PDZD2: variants seen among roughly 807,000 people sequenced by gnomAD.
PDZD2 encodes the protein PDZ domain containing 2, also known as PDZ domain-containing protein 2.
A neutral mutation model predicts 220.7 loss-of-function variants in PDZD2; 90 were observed. The ratio of observed to expected loss-of-function variants is 0.41; its 90% CI spans 0.34 to 0.49. The LOEUF is 0.49. Ranked by LOEUF, PDZD2 falls within the 20% of genes least tolerant of loss-of-function variation. The probability of loss-of-function intolerance (pLI) is 0.28; values close to 1 mark genes in which losing one functional copy is unlikely to be tolerated. For missense variants in PDZD2, 3,174 were observed against 3,608.5 expected (o/e 0.88, Z 3.08); for synonymous variants, 1,375 against 1,450.5 (o/e 0.95, Z 1.18).
intron 24 of PDZD2, among the ~76,000 whole-genome samples, chr5:32,102,700 C>T (rs1012153344): frequency 3.9e-5 from 6 of 152,084 alleles, no homozygotes; most frequent in African/African-American, 1.4e-4. Context: ...ACCCGAAAAA[C>T]AGGACACCCC....
intron 1 of PDZD2, among the ~76,000 whole-genome samples, chr5:31,678,846 A>G (rs1414852048): frequency 1.3e-5 from 2 of 152,126 alleles, no homozygotes; most frequent in African/African-American, 4.8e-5. Context: ...GCCTCAAGCA[A>G]TCTGCCCACC....
chr5:31,810,013 T>A (rs559104892), intron 2 of PDZD2, among the ~76,000 whole-genome samples: 1 of 152,158 alleles, frequency 6.6e-6, no homozygotes, highest in Non-Finnish European at 1.5e-5. Flanking sequence ...CTCTTAGCAC[T>A]ACTTTCGGGA....
At chr5:31,641,601 C>T (rs920487255) in intron 1 of PDZD2, among the ~76,000 whole-genome samples, 5 of 151,952 alleles carry the variant, frequency 3.3e-5, no homozygotes, top group Non-Finnish European at 4.4e-5. Context: ...GCAATCCTCC[C>T]ACCTCAGCCT....
chr5:31,651,581 A>T (rs1348755325), intron 1 of PDZD2, among the ~76,000 whole-genome samples: 2 of 152,110 alleles, frequency 1.3e-5, no homozygotes, highest in Non-Finnish European at 2.9e-5. Context: ...CCGTTGGTTA[A>T]AATCTGTGCT....
intron 6 of PDZD2, among the ~76,000 whole-genome samples, chr5:32,020,356 CTG>C (rs35592354): frequency 0.45 from 68,789 of 151,874 alleles, 17,751 homozygotes; most frequent in Non-Finnish European, 0.58. Context: ...AGAAATGAAA[CTG>C]AAATAAAAAT....
At chr5:32,080,812 C>T (rs1741869402) in intron 19 of PDZD2, among the ~76,000 whole-genome samples, 1 of 152,074 alleles carries the variant, frequency 6.6e-6, no homozygotes, top group East Asian at 1.9e-4. Flanking sequence ...AGCAAACTAA[C>T]ACAGAAACAG....
intron 23 of PDZD2, 149 bp from the exon 24 acceptor site, chr5:32,100,956 T>A (rs955600240): frequency 1.9e-6 from 3 of 1,602,910 alleles, no homozygotes; most frequent in Non-Finnish European, 2.5e-6. Flanking sequence ...GCTCAAGTGC[T>A]GTTATAAGTA....
chr5:31,823,091 C>T (rs1417528763), intron 2 of PDZD2: 3 of 829,466 alleles, frequency 3.6e-6, no homozygotes, highest in Non-Finnish European at 5.4e-6. Context: ...GTAATATTGA[C>T]ATTTTCTGGA....
At chr5:31,781,083 T>C (rs574930992) in intron 1 of PDZD2, among the ~76,000 whole-genome samples, 1 of 152,244 alleles carries the variant, frequency 6.6e-6, no homozygotes, top group African/African-American at 2.4e-5. Context: ...CTGAGGCCCC[T>C]GATGGGTGGA....
chr5:31,842,247 C>G (rs1757355196), intron 2 of PDZD2, among the ~76,000 whole-genome samples: 1 of 152,190 alleles, frequency 6.6e-6, no homozygotes, highest in African/African-American at 2.4e-5. Context: ...CCTACAATTA[C>G]AGTCATTGTT....
intron 2 of PDZD2, among the ~76,000 whole-genome samples, chr5:31,807,934 A>G (rs1459457287): frequency 6.6e-6 from 1 of 152,166 alleles, no homozygotes. Context: ...CTTGCATGTA[A>G]AATTAAATTT....
intron 6 of PDZD2, 107 bp downstream of exon 6, chr5:32,010,589 A>C: frequency 1.3e-6 from 1 of 798,416 alleles, no homozygotes; most frequent in Non-Finnish European, 2.2e-6. Context: ...AGAGACCATG[A>C]TGGGAAAAGA....
At chr5:31,911,776 G>C (rs1368580198) in intron 2 of PDZD2, among the ~76,000 whole-genome samples, 1 of 152,156 alleles carries the variant, frequency 6.6e-6, no homozygotes, top group Non-Finnish European at 1.5e-5. Context: ...TGGCTGCTGA[G>C]TCCCCAGGAG....
rs151154841 is a variant in PDZD2 at position 31,952,360 on chromosome 5, G to A, written c.477-30795G>A. 1.1e-3 allele frequency among the ~76,000 whole-genome samples: 170 copies of A among 152,260 alleles called. 1 individual carries two copies. The highest frequency in any genetic ancestry group is 4.0e-3 in the African/African-American group (168 of 41,552). ...TCTGTATCCCTTTGATTTATGATCT[G>A]GTAAAAGTAACATTAGAAGAAAATC... On this transcript the variant is annotated intron_variant, in intron 2 of 24. Transcript: ENST00000438447.
At chr5:31,990,927 G>A (rs532688703) in intron 3 of PDZD2, among the ~76,000 whole-genome samples, 6 of 152,246 alleles carry the variant, frequency 3.9e-5, no homozygotes, top group Admixed American at 3.3e-4. Flanking sequence ...GTAAAGAGGC[G>A]ATGTTTGAGC....
At chr5:31,808,092 GA>G (rs947615860) in intron 2 of PDZD2, among the ~76,000 whole-genome samples, 2 of 152,190 alleles carry the variant, frequency 1.3e-5, no homozygotes, top group Non-Finnish European at 2.9e-5. Context: ...GGAGATGGTA[GA>G]GAGAAAGAAT....
rs78772388 is a variant in PDZD2, at chr5:31,767,564, T to A, written c.-360-31325T>A. ...TTGATGTTTCAAACCAGATGACTCA[T>A]ATCTTGTAGTCATTTCTCCTTTACA... On this transcript the variant is annotated intron_variant, in intron 1 of 24. Coordinates refer to ENST00000438447, the MANE Select transcript of PDZD2 (RefSeq NM_178140.4). Among the ~76,000 whole-genome samples, 1,327 of 152,370 alleles carry A rather than the reference T, an allele frequency of 8.7e-3. 16 individuals are homozygous for A. Among genetic ancestry groups the A allele is most frequent in the African/African-American group, 0.03 (1,249 of 41,584 alleles).
At chr5:31,660,715 A>G (rs750543085) in intron 1 of PDZD2, among the ~76,000 whole-genome samples, 6 of 152,170 alleles carry the variant, frequency 3.9e-5, no homozygotes, top group Admixed American at 1.3e-4. Flanking sequence ...ACAATTCAAG[A>G]TGAGATTTGG....
intron 2 of PDZD2, among the ~76,000 whole-genome samples, chr5:31,888,309 C>G (rs969907462): frequency 3.1e-4 from 47 of 152,172 alleles, no homozygotes; most frequent in African/African-American, 9.9e-4. Flanking sequence ...TCTCCTGCCT[C>G]AGCCTCCTGA....
Sources: gnomAD v4.1 joint callset for allele counts (sites outside exome capture counted in the v4.1 genomes callset) on GRCh38, gnomAD v4.1.1 for gene constraint, MANE v1.5 for transcripts, NCBI Gene and HGNC (gene_info 2026-07-23, HGNC 2026-07-21) for gene names.